Variants in SPATA6 observed in about 807,000 individuals in gnomAD.
The protein encoded by SPATA6 is spermatogenesis associated 6.
SPATA6 carries 56 observed loss-of-function variants against 65.3 expected under a neutral mutation model. The observed-to-expected ratio is 0.86, with a 90% CI of 0.69 to 1.07. The LOEUF is 1.07. SPATA6 is among the 50% of genes least tolerant of loss of function. The pLI is 0.00. For missense variants in SPATA6, 590 were observed against 594.8 expected, an observed-to-expected ratio of 0.99 and a Z score of 0.08; for synonymous variants, 199 against 213.2, an observed-to-expected ratio of 0.93 and a Z score of 0.58.
rs900489019 is a variant in SPATA6 at position 48,353,177 on chromosome 1, T to C, written c.1194+2493A>G. ...AAAATAATTTCTTGTGTTTTATACATGTAGAATTAAGATGCCTGATAATAG... is the reference window on the plus strand; with the variant it reads ...AAAATAATTTCTTGTGTTTTATACACGTAGAATTAAGATGCCTGATAATAG... On this transcript the variant is annotated intron_variant, in intron 11 of 12. Coordinates refer to ENST00000371847, the MANE Select transcript of SPATA6 (RefSeq NM_019073.4). 2.0e-5 allele frequency among the ~76,000 whole-genome samples: 3 copies of C among 151,958 alleles called. No homozygotes were observed. The East Asian group carries it at 5.8e-4, about 29-fold the overall frequency.
At chr1:48,368,643 C>T (rs907033620) in intron 9 of SPATA6, among the ~76,000 whole-genome samples, 3 of 152,220 alleles carry the variant, frequency 2.0e-5, no homozygotes, top group African/African-American at 7.2e-5. Context: ...CTTTCAGCTC[C>T]ATTAGCTCCT....
chr1:48,361,319 A>C (rs114588233), intron 9 of SPATA6, among the ~76,000 whole-genome samples: 1 of 152,142 alleles, frequency 6.6e-6, no homozygotes, highest in Non-Finnish European at 1.5e-5. Flanking sequence ...GTGAATAAAC[A>C]ATGTATTTTA....
chr1:48,424,972 T>C (rs778466797), intron 3 of SPATA6, among the ~76,000 whole-genome samples: 1 of 152,224 alleles, frequency 6.6e-6, no homozygotes, highest in Non-Finnish European at 1.5e-5. Context: ...TATTCTTTGC[T>C]GTGCAGAAGC....
intron 11 of SPATA6, among the ~76,000 whole-genome samples, chr1:48,323,999 G>A (rs1645680839): frequency 6.6e-6 from 1 of 152,002 alleles, no homozygotes; most frequent in Non-Finnish European, 1.5e-5. Context: ...GCCCAGGCTG[G>A]AGGACAGCGG....
intron 8 of SPATA6, among the ~76,000 whole-genome samples, chr1:48,390,805 T>G (rs1649977364): frequency 6.6e-6 from 1 of 152,158 alleles, no homozygotes; most frequent in Non-Finnish European, 1.5e-5. Context: ...CCAAACCACC[T>G]AATCCAGAAA....
At chr1:48,396,865 T>C (rs1284510937) in intron 7 of SPATA6, among the ~76,000 whole-genome samples, 1 of 151,560 alleles carries the variant, frequency 6.6e-6, no homozygotes. Flanking sequence ...TATAACAACA[T>C]GAATATATTT....
rs1651437761 is a variant in SPATA6 at position 48,403,978 on chromosome 1, A to G, written c.406-96T>C. The G allele has an allele frequency of 4.9e-6, 4 of 823,106 alleles. No homozygotes were observed. In the East Asian group the frequency reaches 1.1e-4, roughly 24 times the overall value. The allele number at this position is 823,106 out of a possible 1,614,324, so 51.0% of individuals were successfully genotyped here. On this transcript the variant is annotated intron_variant, in intron 5 of 12. Coordinates refer to ENST00000371847, the MANE Select transcript of SPATA6 (RefSeq NM_019073.4). ...TGACCTAAAGTAACAAACACCTGTC[A>G]AAGTTCAGCTGTTTCACTGTTAGTT...
chr1:48,361,151 T>C (rs1473352027), intron 9 of SPATA6, among the ~76,000 whole-genome samples: 1 of 152,078 alleles, frequency 6.6e-6, no homozygotes, highest in Non-Finnish European at 1.5e-5. Flanking sequence ...CTGGGTGATA[T>C]TGCCAAGGAA....
intron 11 of SPATA6, among the ~76,000 whole-genome samples, chr1:48,350,452 T>C (rs1204022812): frequency 6.6e-6 from 1 of 151,830 alleles, no homozygotes; most frequent in Non-Finnish European, 1.5e-5. Flanking sequence ...TTTAACTTTA[T>C]GGATGTTGTG....
chr1:48,352,137 T>G (rs1241710182), intron 11 of SPATA6, among the ~76,000 whole-genome samples: 1 of 152,006 alleles, frequency 6.6e-6, no homozygotes, highest in African/African-American at 2.4e-5. Context: ...GCAAGTCACA[T>G]CTTACATGGA....
At chr1:48,262,635 A>C in the SPATA6 span, 1 of 152,192 alleles carries the variant, frequency 6.6e-6, no homozygotes, top group Non-Finnish European at 1.5e-5. Context: ...AAAAATGAAG[A>C]AATGTACATG....
chr1:48,279,338 C>G, the SPATA6 span, among the ~76,000 whole-genome samples: 1 of 152,154 alleles, frequency 6.6e-6, no homozygotes, highest in Non-Finnish European at 1.5e-5. Context: ...ACGATATTAA[C>G]TTTAAATGTA....
intron 5 of SPATA6, among the ~76,000 whole-genome samples, chr1:48,405,607 C>T (rs977765749): frequency 1.3e-5 from 2 of 152,166 alleles, no homozygotes; most frequent in African/African-American, 4.8e-5. Flanking sequence ...CTCCAAAAGG[C>T]TACTGAGTGT....
intron 11 of SPATA6, among the ~76,000 whole-genome samples, chr1:48,318,322 A>C (rs894389732): frequency 6.6e-6 from 1 of 152,284 alleles, no homozygotes; most frequent in South Asian, 2.1e-4. Context: ...TCAAGATCAG[A>C]AAGGAAATAA....
At chr1:48,373,953 G>A (rs1047416907) in intron 9 of SPATA6, among the ~76,000 whole-genome samples, 2 of 152,100 alleles carry the variant, frequency 1.3e-5, no homozygotes, top group African/African-American at 4.8e-5. Context: ...ACATATCAAT[G>A]TTTATATTAA....
chr1:48,411,603 C>T lies in SPATA6; in HGVS notation c.281-15G>A. 6.6e-7 allele frequency: 1 copy of T among 1,525,026 alleles called. No individual in the cohort carries two copies. The highest frequency in any genetic ancestry group is 8.8e-7 in the Non-Finnish European group (1 of 1,137,542). 94.5% of individuals were successfully genotyped at this position (1,525,026 alleles called of 1,614,324 possible). On this transcript the variant is annotated splice_polypyrimidine_tract_variant and intron_variant, in intron 4 of 12. Coordinates refer to ENST00000371847, the MANE Select transcript of SPATA6 (RefSeq NM_019073.4). ...TGTTTCACCCACTACAAGAAAGATA[C>T]CCTATGATTCAAATTATAATAAAAT...
chr1:48,472,163 G>A lies in SPATA6; in HGVS notation c.-155C>T, dbSNP rs1021565777. 1.3e-4 allele frequency: 73 copies of A among 577,246 alleles called. 1 individual carries two copies. The highest frequency in any genetic ancestry group is 2.0e-4 in the Non-Finnish European group (69 of 345,536). The allele number at this position is 577,246 out of a possible 1,614,324, so 35.8% of individuals were successfully genotyped here. On this transcript the variant is annotated 5_prime_UTR_variant, in exon 1 of 13. Coordinates refer to ENST00000371847, the MANE Select transcript of SPATA6 (RefSeq NM_019073.4). ...GGGCCCGCGGTCCAGCCTGGGTTCC[G>A]CCGGAGAAGCAGCTGAGCGCGGGGC...
intron 3 of SPATA6, among the ~76,000 whole-genome samples, chr1:48,420,356 G>T (rs996271060): frequency 6.6e-6 from 1 of 152,194 alleles, no homozygotes; most frequent in African/African-American, 2.4e-5. Flanking sequence ...TTCGTAAGCT[G>T]CTCTAGCAAA....
chr1:48,325,089 A>C (rs566628514), intron 11 of SPATA6: 1 of 425,862 alleles, frequency 2.3e-6, no homozygotes, highest in East Asian at 4.5e-5. Context: ...CATATCAGTA[A>C]GGAAGATGTG....
Sources: gnomAD v4.1 joint callset for allele counts (sites outside exome capture counted in the v4.1 genomes callset) on GRCh38, gnomAD v4.1.1 for gene constraint, MANE v1.5 for transcripts, NCBI Gene and HGNC (gene_info 2026-07-23, HGNC 2026-07-21) for gene names.